Variants in RGMA observed in about 807,000 individuals in gnomAD.
The protein encoded by RGMA is repulsive guidance molecule BMP co-receptor a, also known as repulsive guidance molecule A.
RGMA carries 10 observed loss-of-function variants against 23.2 expected under a neutral mutation model. That is an observed-to-expected ratio of 0.43 (90% confidence interval 0.27 to 0.73). The LOEUF (loss-of-function observed/expected upper bound fraction) is 0.73, where lower values mean the gene tolerates loss of function less well. RGMA is among the 30% of genes least tolerant of loss of function. The probability of loss-of-function intolerance (pLI) is 0.20; values close to 1 mark genes in which losing one functional copy is unlikely to be tolerated. For synonymous variants in RGMA, 308 were observed against 279.3 expected (o/e 1.10, Z -1.03); for missense variants, 547 against 630.5 (o/e 0.87, Z 1.42).
rs569218359 is a variant in RGMA, at chr15:93,084,720, G to T, written c.14+4199C>A. On this transcript the variant is annotated intron_variant, in intron 1 of 3. Coordinates refer to ENST00000329082, the MANE Select transcript of RGMA (RefSeq NM_020211.3). ...ACCCCTGACCTCAAGTGATCTGCCC[G>T]CCTTGGCCTCCCAAAGTGCTGGGAT... Among the ~76,000 whole-genome samples the T allele has an allele frequency of 2.6e-5, 4 of 152,226 alleles. No individual in the cohort carries two copies. The South Asian group carries it at 8.3e-4, about 32-fold the overall frequency.
rs755196248 is a variant in RGMA at position 93,088,953 on chromosome 15, G to A, written c.-21C>T. 4 of 1,392,190 alleles carry A rather than the reference G, an allele frequency of 2.9e-6. No individual in the cohort carries two copies. The highest frequency in any genetic ancestry group is 3.1e-5 in the South Asian group (2 of 64,410). 86.2% of individuals were successfully genotyped at this position (1,392,190 alleles called of 1,614,324 possible). ...TGCATGAGCCCCTGCGGCCCGCGGG[G>A]GGTGGCGCTGGCGGGGCTGCGGGAG... On this transcript the variant is annotated 5_prime_UTR_variant, in exon 1 of 4. Coordinates refer to ENST00000329082, the MANE Select transcript of RGMA (RefSeq NM_020211.3).
chr15:93,065,121 G>A lies in RGMA; in HGVS notation c.130+7795C>T, dbSNP rs141254377. ...GCCTCCTGAGTAGCTGGGATTACAG[G>A]CACATGCCACAATGCCCAGCTAATT... On this transcript the variant is annotated intron_variant, in intron 2 of 3. Transcript: ENST00000329082. 4.9e-3 allele frequency among the ~76,000 whole-genome samples: 740 copies of A among 152,204 alleles called. 6 individuals carry two copies. Among genetic ancestry groups the A allele is most frequent in the African/African-American group, 0.017 (717 of 41,522 alleles).
intron 2 of RGMA, among the ~76,000 whole-genome samples, chr15:93,058,368 T>C (rs757876213): frequency 3.3e-4 from 50 of 152,124 alleles, no homozygotes; most frequent in African/African-American, 1.2e-3. Flanking sequence ...CTTTCTGAGC[T>C]ACAGGCATGC....
chr15:93,052,486 A>C lies in RGMA; in HGVS notation c.152T>G (p.Leu51Arg), dbSNP rs2054943189. 6.3e-7 allele frequency: 1 copy of C among 1,577,078 alleles called. No homozygotes were observed. The highest frequency in any genetic ancestry group is 1.1e-5 in the South Asian group (1 of 90,158). ...FPAATSPCKI[L>R]KCNSEFWSAT... ...GCTCCAGAACTCAGAGTTGCACTTG[A>C]GGATCTTGCACGGGGAGGTGGCTGA... The change falls in exon 3 of 4, where the codon CTC becomes CGC. Residue 51 changes from leucine (L) to arginine (R), a missense_variant. This residue lies in a region of RGMA where 214 missense variants were observed against 234.7 expected (regional missense o/e 0.91). Transcript: ENST00000329082.
At chr15:93,078,295 C>T (rs928226853) in intron 1 of RGMA, among the ~76,000 whole-genome samples, 1 of 152,174 alleles carries the variant, frequency 6.6e-6, no homozygotes, top group African/African-American at 2.4e-5. Flanking sequence ...ACCTCGCAAG[C>T]GTAGGGATAT....
At chr15:93,055,058 C>A (rs1201217341) in intron 2 of RGMA, among the ~76,000 whole-genome samples, 1 of 152,156 alleles carries the variant, frequency 6.6e-6, no homozygotes, top group East Asian at 1.9e-4. Context: ...GGCCTACACA[C>A]AATGCCTGTC....
chr15:93,059,616 T>C (rs1007346729), intron 2 of RGMA, among the ~76,000 whole-genome samples: 3 of 152,190 alleles, frequency 2.0e-5, no homozygotes, highest in Non-Finnish European at 4.4e-5. Context: ...TGTGGCCTCA[T>C]TTCCCATGCG....
At chr15:93,079,498 T>C (rs1895524346) in intron 1 of RGMA, among the ~76,000 whole-genome samples, 1 of 152,206 alleles carries the variant, frequency 6.6e-6, no homozygotes, top group South Asian at 2.1e-4. Flanking sequence ...ACTTTTTTAG[T>C]ATATATTCTG....
chr15:93,076,374 T>A (rs1264673738), intron 1 of RGMA, among the ~76,000 whole-genome samples: 3 of 152,140 alleles, frequency 2.0e-5, no homozygotes, highest in African/African-American at 7.2e-5. Context: ...GCAGTGATAG[T>A]CAGGGGTTCC....
chr15:93,068,448 T>C (rs924103558), intron 2 of RGMA, among the ~76,000 whole-genome samples: 63 of 152,368 alleles, frequency 4.1e-4, no homozygotes, highest in African/African-American at 1.3e-3. Context: ...AGTGGCCTTA[T>C]CTGTGCCCAC....
At chr15:93,088,316 C>T (rs1895674657) in intron 1 of RGMA, 1 of 984,796 alleles carries the variant, frequency 1.0e-6, no homozygotes, top group Middle Eastern at 5.2e-4. Flanking sequence ...GGCGCTGAAT[C>T]GTCGCCGTGC....
intron 3 of RGMA, among the ~76,000 whole-genome samples, chr15:93,051,574 T>C (rs76930845): frequency 0.055 from 8,450 of 152,306 alleles, 290 homozygotes; most frequent in Non-Finnish European, 0.071. Flanking sequence ...GAGCAGGACC[T>C]GAGTCCTGCT....
intron 1 of RGMA, among the ~76,000 whole-genome samples, chr15:93,084,317 T>G (rs1895603544): frequency 1.3e-5 from 2 of 152,354 alleles, no homozygotes; most frequent in South Asian, 4.1e-4. Flanking sequence ...CTCTTTTGGA[T>G]GAGCATTTGA....
intron 2 of RGMA, among the ~76,000 whole-genome samples, chr15:93,062,395 A>G (rs1372164012): frequency 7.9e-5 from 12 of 152,258 alleles, no homozygotes; most frequent in Admixed American, 7.8e-4. Context: ...GTATCAGGGA[A>G]GTAGCATTTC....
chr15:93,066,418 A>C, intron 2 of RGMA: 1 of 656,208 alleles, frequency 1.5e-6, no homozygotes, highest in Non-Finnish European at 2.8e-6. Flanking sequence ...GGGGGTTTCC[A>C]AGGCCGCCGT....
intron 2 of RGMA, among the ~76,000 whole-genome samples, chr15:93,054,935 C>T (rs1412435375): frequency 6.6e-6 from 1 of 151,234 alleles, no homozygotes; most frequent in Non-Finnish European, 1.5e-5. Context: ...CCCTGCCGCC[C>T]CCTGATAAAG....
At chr15:93,077,850 G>A (rs1376453700) in intron 1 of RGMA, among the ~76,000 whole-genome samples, 2 of 152,180 alleles carry the variant, frequency 1.3e-5, no homozygotes, top group Non-Finnish European at 2.9e-5. Context: ...TGGGATTACA[G>A]GCACACGCCA....
rs1178389064 is a variant in RGMA at position 93,038,566 on chromosome 15, G to GTTTTTTTTT, written c.*6431_*6432insAAAAAAAAA. 2.4e-5 allele frequency: 2 copies of GTTTTTTTTT among 84,444 alleles called. No homozygotes were observed. The highest frequency in any genetic ancestry group is 2.9e-4 in the South Asian group (1 of 3,422). 5.2% of individuals were successfully genotyped at this position (84,444 alleles called of 1,614,324 possible). A position where few individuals can be genotyped will look rare whatever the true frequency, so the allele number is the denominator to read the frequency against. The stretch of plus-strand genomic sequence containing the variant: ...ATTGCCTTAATGAACGAAACTGTTA[G>GTTTTTTTTT]TTGTTTTTTTTTTTTTTTTGAGACG... On this transcript the variant is annotated 3_prime_UTR_variant, in exon 4 of 4. Coordinates refer to ENST00000329082, the MANE Select transcript of RGMA (RefSeq NM_020211.3).
At chr15:93,047,214 C>T (rs976237229) in intron 3 of RGMA, among the ~76,000 whole-genome samples, 2 of 152,168 alleles carry the variant, frequency 1.3e-5, no homozygotes, top group South Asian at 2.1e-4. Flanking sequence ...CTCTGCCGTC[C>T]GCGTCCTGGG....
Sources: gnomAD v4.1 joint callset for allele counts (sites outside exome capture counted in the v4.1 genomes callset) on GRCh38, gnomAD v4.1.1 for gene constraint, gnomAD v4.1.1 regional missense constraint, MANE v1.5 for transcripts, NCBI Gene and HGNC (gene_info 2026-07-23, HGNC 2026-07-21) for gene names.